Variants in TSPAN10 observed in about 807,000 individuals in gnomAD.
TSPAN10 encodes the protein tetraspanin 10.
A neutral mutation model predicts 15.0 loss-of-function variants in TSPAN10; 11 were observed. That is an observed-to-expected ratio of 0.73 (90% CI 0.46 to 1.21). The LOEUF (loss-of-function observed/expected upper bound fraction) is 1.21, where lower values mean the gene tolerates loss of function less well. Among genes scored for constraint, TSPAN10 ranks in the 50% most tolerant of loss-of-function variants. The probability of loss-of-function intolerance (pLI) is 0.00; values close to 1 mark genes in which losing one functional copy is unlikely to be tolerated. For synonymous variants in TSPAN10, 241 were observed against 226.2 expected, an observed-to-expected ratio of 1.07 and a Z score of -0.59; for missense variants, 486 against 470.6, an observed-to-expected ratio of 1.03 and a Z score of -0.30.
rs770666507 is a variant in TSPAN10, at chr17:81,647,881, C to G, written c.675-20C>G. On this transcript the variant is annotated intron_variant, in intron 2 of 2. Transcript: ENST00000611590. Reference sequence around the variant, plus strand: ...AGCGGGCCCTCCCCGCCAGAACTGACGATTCCATGCGCCTTGCAGGTACTT... The same window carrying G: ...AGCGGGCCCTCCCCGCCAGAACTGAGGATTCCATGCGCCTTGCAGGTACTT... 4.4e-6 allele frequency: 7 copies of G among 1,591,824 alleles called. No individual in the cohort carries two copies. The highest frequency in any genetic ancestry group is 1.3e-5 in the African/African-American group (1 of 74,694).
chr17:81,641,617 T>TGA (rs35047265), upstream of TSPAN10, among the ~76,000 whole-genome samples: 75,991 of 151,410 alleles, frequency 0.5, 20,900 homozygotes, highest in East Asian at 0.99. Context: ...TTTGGACTGC[T>TGA]GAGTGTTGGT....
In TSPAN10 at chr17:81,643,879, C is replaced by T. The variant is rs561904454; in HGVS notation, c.37-1113C>T. On this transcript the variant is annotated intron_variant, in intron 1 of 2. Transcript: ENST00000611590. ...TGTCACCCAGGCTGGAGTGCAGTCA[C>T]GCGATCTCTGCTCATGCAACCTCTG... 4.8e-4 allele frequency among the ~76,000 whole-genome samples: 73 copies of T among 152,208 alleles called. No individual in the cohort carries two copies. The South Asian group carries it at 6.4e-3, about 13-fold the overall frequency.
downstream of TSPAN10, chr17:81,648,389 G>T: frequency 8.9e-7 from 1 of 1,119,306 alleles, no homozygotes; most frequent in Non-Finnish European, 1.1e-6. Context: ...GCCGCCGCCT[G>T]ATTTCGCTCG....
upstream of TSPAN10, chr17:81,639,046 C>T (rs1308372580): frequency 6.6e-6 from 1 of 152,034 alleles, no homozygotes; most frequent in East Asian, 1.9e-4. Flanking sequence ...GAAGTTATTT[C>T]AGCCTACACC....
chr17:81,645,173 G>T lies in TSPAN10; in HGVS notation c.218G>T (p.Ser73Ile), dbSNP rs749149759. The change falls in exon 2 of 3, where the codon AGC becomes ATC. Residue 73 changes from serine (S) to isoleucine (I), a missense_variant. By Grantham distance (142) the Ser-to-Ile change is moderately radical. Transcript: ENST00000611590. ...CCAGCCCCTTCCCTCTCCCCAGGGA[G>T]CAGCTGCGTCAAGTATCTGATCTTC... 3.0e-5 allele frequency: 47 copies of T among 1,552,822 alleles called. No individual in the cohort carries two copies. Among genetic ancestry groups the T allele is most frequent in the Non-Finnish European group, 3.5e-5 (40 of 1,156,328 alleles).
At chr17:81,640,634 G>A (rs550955024), upstream of TSPAN10, among the ~76,000 whole-genome samples, 12 of 152,072 alleles carry the variant, frequency 7.9e-5, no homozygotes, top group East Asian at 2.0e-3. Flanking sequence ...ACTTTTAGTA[G>A]AGACAGGGTC....
At chr17:81,642,106 C>T (rs1037331806), upstream of TSPAN10, among the ~76,000 whole-genome samples, 1 of 152,304 alleles carries the variant, frequency 6.6e-6, no homozygotes, top group East Asian at 1.9e-4. Flanking sequence ...AAGGCTGGCA[C>T]CCAAACATGC....
downstream of TSPAN10, chr17:81,648,439 T>C (rs970112048): frequency 1.3e-6 from 1 of 790,038 alleles, no homozygotes; most frequent in Non-Finnish European, 1.7e-6. Flanking sequence ...CCCAGCTCGC[T>C]CACTTCGCTC....
At chr17:81,647,451 T>A in intron 2 of TSPAN10, 1 of 462,438 alleles carries the variant, frequency 2.2e-6, no homozygotes, top group Non-Finnish European at 4.3e-6. Context: ...TTTCTGTCAC[T>A]GCCAGGTACT....
exon 2 of TSPAN10, chr17:81,645,598 G>A (rs1472217995): frequency 1.2e-6 from 2 of 1,612,580 alleles, no homozygotes; most frequent in Non-Finnish European, 1.7e-6. Context: ...GTGCTGCGGA[G>A]CTGCCTCCTA....
At chr17:81,646,953 A>G (rs2036263337) in intron 2 of TSPAN10, among the ~76,000 whole-genome samples, 1 of 151,828 alleles carries the variant, frequency 6.6e-6, no homozygotes, top group Admixed American at 6.6e-5. Context: ...TTTATCAGCT[A>G]TCCCCAGTGC....
chr17:81,648,427 T>G, downstream of TSPAN10: 1 of 866,910 alleles, frequency 1.2e-6, no homozygotes, highest in Non-Finnish European at 1.5e-6. Context: ...CCGCAGGACC[T>G]ACCCAGCTCG....
intron 1 of TSPAN10, 98 bp from the exon 3 acceptor site, chr17:81,644,894 C>A (rs1026960719): frequency 6.0e-6 from 9 of 1,509,380 alleles, no homozygotes; most frequent in South Asian, 1.2e-5. Flanking sequence ...TCCTCCCATC[C>A]CTCGAAGGCT....
At chr17:81,637,233 G>T in exon 1 of TSPAN10, 1 of 491,352 alleles carries the variant, frequency 2.0e-6, no homozygotes, top group Non-Finnish European at 3.6e-6. Context: ...GGGGATTTTG[G>T]AAAGTTGCGT....
At chr17:81,641,203 G>A (rs1183787833), upstream of TSPAN10, among the ~76,000 whole-genome samples, 2 of 152,060 alleles carry the variant, frequency 1.3e-5, no homozygotes, top group Non-Finnish European at 2.9e-5. Flanking sequence ...AACAGACTGA[G>A]TTGGAGGCCG....
chr17:81,647,598 T>C, intron 2 of TSPAN10: 1 of 642,090 alleles, frequency 1.6e-6, no homozygotes, highest in Non-Finnish European at 2.9e-6. Flanking sequence ...GAGGTCCTCT[T>C]ATCAATGCTT....
At chr17:81,641,864 C>T (rs1224263396), upstream of TSPAN10, among the ~76,000 whole-genome samples, 2 of 143,264 alleles carry the variant, frequency 1.4e-5, no homozygotes, top group East Asian at 2.3e-4. Flanking sequence ...GCAACAAGAG[C>T]GAAACTCAGT....
At chr17:81,644,590 G>C (rs1302757816) in intron 1 of TSPAN10, among the ~76,000 whole-genome samples, 1 of 152,176 alleles carries the variant, frequency 6.6e-6, no homozygotes, top group Non-Finnish European at 1.5e-5. Context: ...CTCTGGGGAC[G>C]CAGCCCCGCC....
exon 2 of TSPAN10, chr17:81,645,069 C>T (rs949206801): frequency 1.3e-6 from 2 of 1,596,130 alleles, no homozygotes; most frequent in Admixed American, 1.9e-5. Flanking sequence ...CCAGGGAGGA[C>T]CAGGCGGAGG....
Sources: allele counts gnomAD v4.1 joint callset (sites outside exome capture counted in the v4.1 genomes callset), GRCh38; gene constraint gnomAD v4.1.1; transcripts MANE v1.5; gene names NCBI Gene and HGNC (gene_info 2026-07-23, HGNC 2026-07-21).